The following TGFB3 variants were observed in gnomAD, a reference collection of about 807,000 sequenced individuals.
The protein encoded by TGFB3 is transforming growth factor beta 3.
A neutral mutation model predicts 40.1 loss-of-function variants in TGFB3; 5 were observed. The observed-to-expected ratio is 0.12, with a 90% CI of 0.07 to 0.26. TGFB3 has a LOEUF of 0.26. Ranked by LOEUF, TGFB3 falls within the 10% of genes least tolerant of loss-of-function variation. The pLI, the probability that TGFB3 is intolerant of heterozygous loss-of-function variation, is 1.00. For missense variants in TGFB3, 373 were observed against 530.1 expected (o/e 0.70, Z 2.91); for synonymous variants, 184 against 205.6 (o/e 0.89, Z 0.90).
chr14:75,971,593 T>C lies in TGFB3; in HGVS notation c.478A>G (p.Ser160Gly), dbSNP rs1324592403. 6.2e-7 allele frequency: 1 copy of C among 1,614,098 alleles called. No homozygotes were observed. Among genetic ancestry groups the C allele is most frequent in the Non-Finnish European group, 8.5e-7 (1 of 1,180,036 alleles). The change falls in exon 2 of 7, where the codon AGC becomes GGC. Residue 160 changes from serine (S) to glycine (G), a missense_variant. Physicochemically the swap from Ser to Gly is moderately conservative, Grantham distance 56 (BLOSUM62 0). Transcript: ENST00000238682. This position sits in a 1 kb window ranked among gnomAD's most constrained non-coding sequence, Gnocchi z 4.5. Reference sequence around the variant, plus strand: ...ATCCTCTGCTCATTCCGCTTAGAGCTGGGGTTGGGCACCCGCAAGACCCGG... The same window carrying C: ...ATCCTCTGCTCATTCCGCTTAGAGCCGGGGTTGGGCACCCGCAAGACCCGG... ...EFRVLRVPNP[S>G]SKRNEQRIEL...
rs1172553825 is a variant in TGFB3, at chr14:75,963,393, AATC to A, written c.846_848del (p.Met282del). On this transcript the variant is annotated inframe_deletion, in exon 5 of 7. Transcript: ENST00000238682. ...CCGGGTTGTCGAGCCGGTGTGGGGG[AATC>A]ATCATGAGGATTAGATGAGGGTTGT... is the stretch of plus-strand genomic sequence containing the variant. 4 of 1,614,088 alleles carry A rather than the reference AATC, an allele frequency of 2.5e-6. No homozygotes were observed. The highest frequency in any genetic ancestry group is 2.2e-5 in the East Asian group (1 of 44,868).
intron 6 of TGFB3, among the ~76,000 whole-genome samples, chr14:75,959,777 G>GAA (rs565684186): frequency 1.5e-5 from 2 of 134,236 alleles, no homozygotes; most frequent in Non-Finnish European, 3.3e-5. Flanking sequence ...TCAAAAAAAA[G>GAA]AAAAAAAAAA....
In TGFB3 at chr14:75,959,410, G is replaced by A. The variant is rs568078704; in HGVS notation, c.1081-65C>T. The A allele has an allele frequency of 1.4e-4, 227 of 1,600,378 alleles. No homozygotes were observed. In the South Asian group the frequency reaches 1.9e-3, roughly 13 times the overall value. The stretch of plus-strand genomic sequence containing the variant: ...TCTCAGGCCTGGAACCCAGGAAGTC[G>A]CCCAGTTCCAGGGGCAGTCCCAGAA... On this transcript the variant is annotated intron_variant, in intron 6 of 6. Transcript: ENST00000238682.
intron 3 of TGFB3, among the ~76,000 whole-genome samples, chr14:75,969,032 G>A (rs917648267): frequency 2.0e-5 from 3 of 152,120 alleles, no homozygotes; most frequent in Non-Finnish European, 4.4e-5. Flanking sequence ...CATCTCTGAC[G>A]GATGGTTATC....
intron 3 of TGFB3, 45 bp from the exon 4 acceptor site, chr14:75,965,740 T>C (rs773314914): frequency 2.0e-6 from 3 of 1,510,976 alleles, no homozygotes; most frequent in Non-Finnish European, 2.8e-6. Flanking sequence ...CTCTGTGTGA[T>C]GGGGAAGTGT....
chr14:75,971,773 T>C lies in TGFB3; in HGVS notation c.353-55A>G. On this transcript the variant is annotated intron_variant, in intron 1 of 6. Transcript: ENST00000238682. The surrounding 1 kb of genome is among the most constrained non-coding windows in gnomAD (Gnocchi z 4.5). ...GCATGAGCGAGACATGCAGGAACAG[T>C]GTGCTGCCAACGGACAGGCACCAAG... The C allele has an allele frequency of 6.2e-7, 1 of 1,600,448 alleles. No homozygotes were observed. The highest frequency in any genetic ancestry group is 8.5e-7 in the Non-Finnish European group (1 of 1,170,472).
Position 75,979,696 on chromosome 14 carries a change from T to TCC in TGFB3, c.352+844_352+845dup, listed in dbSNP as rs749407585. ...CTGGGACGGCAGGCTCCCAGACATA[T>TCC]CCCCCCCCCCCACCATGCACCCACT... On this transcript the variant is annotated intron_variant, in intron 1 of 6. Transcript: ENST00000238682. This position sits in a 1 kb window ranked among gnomAD's most constrained non-coding sequence, Gnocchi z 4.8. 2.4e-3 allele frequency among the ~76,000 whole-genome samples: 269 copies of TCC among 113,294 alleles called. 1 individual carries two copies. Among genetic ancestry groups the TCC allele is most frequent in the Admixed American group, 3.8e-3 (42 of 11,150 alleles). The allele number at this position is 113,294 out of a possible 152,430, so 74.3% of individuals were successfully genotyped here.
At chr14:75,963,552 C>T (rs550364283) in intron 4 of TGFB3, 65 bp from the exon 5 acceptor site, 1 of 1,593,160 alleles carries the variant, frequency 6.3e-7, no homozygotes, top group African/African-American at 1.3e-5. Flanking sequence ...GAGGCTGCCT[C>T]CTCCACACGC....
rs1020420824 is a variant in TGFB3 at position 75,980,179 on chromosome 14, T to C, written c.352+363A>G. On this transcript the variant is annotated intron_variant, in intron 1 of 6. Coordinates refer to ENST00000238682, the MANE Select transcript of TGFB3 (RefSeq NM_003239.5). This position sits in a 1 kb window ranked among gnomAD's most constrained non-coding sequence, Gnocchi z 4.3. The stretch of plus-strand genomic sequence containing the variant: ...CTCCTGACAGAGCCGGCCTTCCCCT[T>C]TATGGCACCCAGATGCTTACAGTTA... 2.6e-5 allele frequency among the ~76,000 whole-genome samples: 4 copies of C among 152,200 alleles called. No homozygotes were observed. The highest frequency in any genetic ancestry group is 5.9e-5 in the Non-Finnish European group (4 of 68,020).
rs2035108967 is a variant in TGFB3, at chr14:75,958,179, T to C, written c.*1008A>G. ...ATCCAGGATGCCCCAAAAATATTTA[T>C]TTATACAAAGATTTTGAGAGTAATA... is the stretch of plus-strand genomic sequence containing the variant. On this transcript the variant is annotated 3_prime_UTR_variant, in exon 7 of 7. Transcript: ENST00000238682. 6.6e-6 allele frequency: 1 copy of C among 152,660 alleles called. No homozygotes were observed. The highest frequency in any genetic ancestry group is 1.5e-5 in the Non-Finnish European group (1 of 68,034). The allele number at this position is 152,660 out of a possible 1,614,324, so 9.5% of individuals were successfully genotyped here.
Position 75,980,728 on chromosome 14 carries a change from G to A in TGFB3, c.166C>T (p.Pro56Ser), listed in dbSNP as rs747653529. The change falls in exon 1 of 7, where the codon CCC becomes TCC. Residue 56 changes from proline to serine, a missense_variant. Transcript: ENST00000238682. This position sits in a 1 kb window ranked among gnomAD's most constrained non-coding sequence, Gnocchi z 4.3. ...QILSKLRLTS[P>S]PEPTVMTHVP... The stretch of plus-strand genomic sequence containing the variant: ...TGGGTCATCACCGTTGGCTCAGGGG[G>A]GCTGGTGAGCCTGAGCTTGCTCAAG... The A allele has an allele frequency of 6.2e-7, 1 of 1,614,148 alleles. No homozygotes were observed. The highest frequency in any genetic ancestry group is 8.5e-7 in the Non-Finnish European group (1 of 1,180,032).
intron 5 of TGFB3, among the ~76,000 whole-genome samples, chr14:75,961,797 C>T (rs1049806571): frequency 1.6e-4 from 24 of 152,162 alleles, no homozygotes; most frequent in African/African-American, 5.3e-4. Flanking sequence ...ATTCAATAAC[C>T]ATTCCTAACT....
At chr14:75,962,424 C>T (rs1193119862) in intron 5 of TGFB3, among the ~76,000 whole-genome samples, 2 of 152,210 alleles carry the variant, frequency 1.3e-5, no homozygotes, top group Non-Finnish European at 2.9e-5. Flanking sequence ...CCAAGCCCAA[C>T]CATCCTCATA....
rs778214495 is a variant in TGFB3, at chr14:75,980,600, C to T, written c.294G>A (p.Ser98=). ...TATGGATTTCTTTGGCATAGTATTC[C>T]GACTCGGTGTTTTCCTGGGTGCAGC... is the stretch of plus-strand genomic sequence containing the variant. ...EEGCTQENTE[S]EYYAKEIHKF... Residue 98 remains serine (S), a synonymous_variant, in exon 1 of 7, where the codon TCG becomes TCA. Coordinates refer to ENST00000238682, the MANE Select transcript of TGFB3 (RefSeq NM_003239.5). This position sits in a 1 kb window ranked among gnomAD's most constrained non-coding sequence, Gnocchi z 4.3. The T allele has an allele frequency of 5.7e-5, 92 of 1,614,212 alleles. No homozygotes were observed. Among genetic ancestry groups the T allele is most frequent in the Non-Finnish European group, 6.7e-5 (79 of 1,180,032 alleles).
chr14:75,965,800 T>A (rs921189258), intron 3 of TGFB3, 105 bp from the exon 4 acceptor site: 1 of 894,714 alleles, frequency 1.1e-6, no homozygotes, highest in African/African-American at 1.6e-5. Context: ...CTATAGGGAC[T>A]CATAGGAACT....
rs752520633 is a variant in TGFB3 at position 75,971,088 on chromosome 14, G to A, written c.646+38C>T. ...TTTCATGGAGGACTAAGGGACCTGA[G>A]GTTCATTCTGAAATGCTTATCTGAA... On this transcript the variant is annotated intron_variant, in intron 3 of 6. Coordinates refer to ENST00000238682, the MANE Select transcript of TGFB3 (RefSeq NM_003239.5). This position sits in a 1 kb window ranked among gnomAD's most constrained non-coding sequence, Gnocchi z 4.5. The A allele has an allele frequency of 5.1e-5, 83 of 1,611,918 alleles. No individual in the cohort carries two copies. The East Asian group carries it at 1.6e-3, about 32-fold the overall frequency.
chr14:75,960,804 T>G, intron 6 of TGFB3, 119 bp downstream of exon 6: 1 of 1,394,222 alleles, frequency 7.2e-7, no homozygotes, highest in Non-Finnish European at 9.9e-7. Flanking sequence ...ACCAGAGGAA[T>G]TTTACTCACC....
chr14:75,960,774 G>A (rs997955934), intron 6 of TGFB3, 149 bp downstream of exon 6: 1 of 997,232 alleles, frequency 1.0e-6, no homozygotes, highest in South Asian at 1.5e-5. Flanking sequence ...CTGAGTCAGG[G>A]TGCCAAGATC....
chr14:75,963,082 C>G (rs2035176684), intron 5 of TGFB3: 1 of 605,554 alleles, frequency 1.7e-6, no homozygotes, highest in South Asian at 2.0e-5. Flanking sequence ...TCCTCATTTA[C>G]TTCAGCCAGC....
Sources: allele counts gnomAD v4.1 joint callset (sites outside exome capture counted in the v4.1 genomes callset), GRCh38; gene constraint gnomAD v4.1.1; non-coding constraint Gnocchi (gnomAD v3.1); transcripts MANE v1.5; gene names NCBI Gene and HGNC (gene_info 2026-07-23, HGNC 2026-07-21).